FNDC1: variants seen among roughly 807,000 people sequenced by gnomAD.
FNDC1 encodes the protein fibronectin type III domain-containing protein 1.
A neutral mutation model predicts 168.0 loss-of-function variants in FNDC1; 96 were observed. The observed-to-expected ratio is 0.57, with a 90% CI of 0.48 to 0.68. FNDC1 has a LOEUF of 0.68. Among genes scored for constraint, FNDC1 ranks in the 30% least tolerant of loss-of-function variants. The pLI is 0.00. For synonymous variants in FNDC1, 1,099 were observed against 1,025.9 expected (o/e 1.07, Z -1.36); for missense variants, 2,587 against 2,482.1 (o/e 1.04, Z -0.90).
Position 159,239,797 on chromosome 6 carries a change from A to G in FNDC1, c.4461A>G (p.Pro1487=), listed in dbSNP as rs1192244433. ...CCCGCCGCACGACCACCAGGCGTCCAACAACCACAGTCCGAACCACTACGC... is the reference window on the plus strand; with the variant it reads ...CCCGCCGCACGACCACCAGGCGTCCGACAACCACAGTCCGAACCACTACGC... ...TTTRRTTTRR[P]TTTVRTTTRT... is the part of the protein sequence containing the mutation. The change falls in exon 14 of 23, where the codon CCA becomes CCG. Residue 1487 remains proline, a synonymous_variant. Transcript: ENST00000297267. 14 of 1,545,182 alleles carry G rather than the reference A, an allele frequency of 9.1e-6. No homozygotes were observed. Among genetic ancestry groups the G allele is most frequent in the Non-Finnish European group, 1.2e-5 (14 of 1,143,362 alleles).
Position 159,214,961 on chromosome 6 carries a change from C to G in FNDC1, c.477C>G (p.Asn159Lys), listed in dbSNP as rs747651973. 8.1e-6 allele frequency: 13 copies of G among 1,613,926 alleles called. No individual in the cohort carries two copies. Among genetic ancestry groups the G allele is most frequent in the South Asian group, 1.1e-5 (1 of 91,080 alleles). ...NETVTEKEVP[N>K]KPLRVRVRSS... ...CTCTTTAAGAAAAGGAAGTGCCCAA[C>G]AAGCCCTTGCGTGTGCGTGTCCGGT... is the stretch of plus-strand genomic sequence containing the variant. The change falls in exon 5 of 23, where the codon AAC becomes AAG. Residue 159 changes from asparagine (N) to lysine (K), a missense_variant. By Grantham distance (94) the Asn-to-Lys change is moderately conservative. Coordinates refer to ENST00000297267, the MANE Select transcript of FNDC1 (RefSeq NM_032532.3).
At chr6:159,261,766 G>A (rs1391150906) in intron 19 of FNDC1, among the ~76,000 whole-genome samples, 5 of 152,106 alleles carry the variant, frequency 3.3e-5, no homozygotes, top group Non-Finnish European at 7.4e-5. Context: ...GCATGCCCTT[G>A]CATTTTGGGG....
chr6:159,254,512 C>T (rs1267251635), intron 17 of FNDC1, among the ~76,000 whole-genome samples: 1 of 152,038 alleles, frequency 6.6e-6, no homozygotes, highest in Non-Finnish European at 1.5e-5. Flanking sequence ...TCAGACTCAT[C>T]CTGGCTAACA....
intron 15 of FNDC1, among the ~76,000 whole-genome samples, chr6:159,247,179 C>T (rs563802262): frequency 1.3e-5 from 2 of 152,244 alleles, no homozygotes; most frequent in African/African-American, 4.8e-5. Flanking sequence ...AAACAGTGTG[C>T]TTAACACGTA....
At chr6:159,265,094 T>C in intron 20 of FNDC1, 90 bp downstream of exon 20, 4 of 1,157,036 alleles carry the variant, frequency 3.5e-6, no homozygotes, top group Non-Finnish European at 3.7e-6. Flanking sequence ...AATTAGAAAG[T>C]CTGGACCATT....
chr6:159,261,500 T>A (rs910652748), intron 19 of FNDC1, among the ~76,000 whole-genome samples: 4 of 152,024 alleles, frequency 2.6e-5, no homozygotes, highest in African/African-American at 9.7e-5. Flanking sequence ...CAAATTCCAA[T>A]GAAAGGAAAA....
At position 159,229,894 on chromosome 6, in the gene FNDC1, C is replaced by G; in HGVS notation, c.1260C>G (p.Ala420=). The G allele has an allele frequency of 6.2e-7, 1 of 1,613,934 alleles. No individual in the cohort carries two copies. Among genetic ancestry groups the G allele is most frequent in the Non-Finnish European group, 8.5e-7 (1 of 1,179,862 alleles). ...SLTYPGDTTS[A]LVDGLQPGER... is the part of the protein sequence containing the mutation. ...CCTATCCTGGAGACACTACTTCTGC[C>G]CTGGTGGATGGTCTGCAGCCTGGGG... is the stretch of plus-strand genomic sequence containing the variant. The change falls in exon 10 of 23, where the codon GCC becomes GCG. Residue 420 remains alanine (A), a synonymous_variant. Transcript: ENST00000297267.
At chr6:159,259,978 T>C (rs950608303) in intron 18 of FNDC1, among the ~76,000 whole-genome samples, 14 of 152,238 alleles carry the variant, frequency 9.2e-5, no homozygotes, top group Non-Finnish European at 1.6e-4. Context: ...GTTGGTGCAA[T>C]AGGCCTAATA....
At chr6:159,269,637 A>G (rs952368905) in intron 22 of FNDC1, among the ~76,000 whole-genome samples, 2 of 147,648 alleles carry the variant, frequency 1.4e-5, no homozygotes, top group Admixed American at 6.7e-5. Flanking sequence ...CTATCTATCT[A>G]TCTATCTATC....
intron 1 of FNDC1, among the ~76,000 whole-genome samples, chr6:159,185,554 A>G (rs967309437): frequency 5.3e-5 from 8 of 152,330 alleles, no homozygotes; most frequent in East Asian, 3.9e-4. Context: ...TTATGGACAC[A>G]TAGCCTTGTT....
intron 4 of FNDC1, among the ~76,000 whole-genome samples, chr6:159,208,353 C>G (rs913120123): frequency 2.6e-5 from 4 of 152,204 alleles, no homozygotes; most frequent in African/African-American, 9.7e-5. Flanking sequence ...CACAGAGACT[C>G]TAGCCTTGCC....
chr6:159,232,932 C>T lies in FNDC1; in HGVS notation c.2420C>T (p.Thr807Met), dbSNP rs1436721059. ...AGGCAGGCGGAGGCCACGGCCCAGA[C>T]GCTGCGGGCCCGGCCTGCCTCTGGA... ...GGRQAEATAQTLRARPASGHF... is the reference protein window; with the variant it reads ...GGRQAEATAQMLRARPASGHF... Residue 807 changes from threonine to methionine, a missense_variant, in exon 11 of 23, where the codon ACG (threonine) becomes ATG (methionine). By Grantham distance (81) the Thr-to-Met change is moderately conservative. Transcript: ENST00000297267. This position sits in a 1 kb window ranked among gnomAD's most constrained non-coding sequence, Gnocchi z 4.9. 5 of 1,610,408 alleles carry T rather than the reference C, an allele frequency of 3.1e-6. No individual in the cohort carries two copies. Among genetic ancestry groups the T allele is most frequent in the South Asian group, 1.1e-5 (1 of 90,804 alleles).
chr6:159,206,561 A>T (rs1389743960), intron 4 of FNDC1, among the ~76,000 whole-genome samples: 7 of 152,186 alleles, frequency 4.6e-5, no homozygotes. Context: ...GGGCATTGAC[A>T]AGAGTGTTGA....
chr6:159,261,958 A>G (rs1777494730), intron 19 of FNDC1, among the ~76,000 whole-genome samples: 1 of 152,142 alleles, frequency 6.6e-6, no homozygotes, highest in African/African-American at 2.4e-5. Context: ...ATTTTTTTTA[A>G]TTAGCCAGGC....
At chr6:159,174,889 C>T (rs1046610340) in intron 1 of FNDC1, among the ~76,000 whole-genome samples, 1 of 152,140 alleles carries the variant, frequency 6.6e-6, no homozygotes, top group Non-Finnish European at 1.5e-5. Flanking sequence ...TGATGGGTCC[C>T]GTCTCAGCCT....
intron 4 of FNDC1, among the ~76,000 whole-genome samples, chr6:159,201,237 T>C (rs894957101): frequency 6.6e-6 from 1 of 152,216 alleles, no homozygotes; most frequent in African/African-American, 2.4e-5. Context: ...AGCACTATGG[T>C]GAGGAGCTGT....
rs111526001 is a variant in FNDC1, at chr6:159,189,685, C to T, written c.110-7746C>T. Reference sequence around the variant, plus strand: ...GGAAAGACTCTTCCCTGGCTGAGGCCGAATAGTATAAGAAGTAAAGGAGGA... The same window carrying T: ...GGAAAGACTCTTCCCTGGCTGAGGCTGAATAGTATAAGAAGTAAAGGAGGA... On this transcript the variant is annotated intron_variant, in intron 1 of 22. Coordinates refer to ENST00000297267, the MANE Select transcript of FNDC1 (RefSeq NM_032532.3). Among the ~76,000 whole-genome samples, 1,011 of 152,226 alleles carry T rather than the reference C, an allele frequency of 6.6e-3. 12 individuals carry two copies. Among genetic ancestry groups the T allele is most frequent in the African/African-American group, 0.023 (967 of 41,522 alleles).
At chr6:159,220,440 AT>A (rs1782798589) in intron 5 of FNDC1, among the ~76,000 whole-genome samples, 1 of 152,188 alleles carries the variant, frequency 6.6e-6, no homozygotes, top group Non-Finnish European at 1.5e-5. Context: ...CCTCATTTTT[AT>A]TCTTGAAAAG....
At chr6:159,264,113 A>T (rs1022362452) in intron 19 of FNDC1, among the ~76,000 whole-genome samples, 2 of 152,238 alleles carry the variant, frequency 1.3e-5, no homozygotes. Flanking sequence ...ACCTACTTGA[A>T]GTGTACATCT....
Sources: allele counts gnomAD v4.1 joint callset (sites outside exome capture counted in the v4.1 genomes callset), GRCh38; gene constraint gnomAD v4.1.1; non-coding constraint Gnocchi (gnomAD v3.1); transcripts MANE v1.5; gene names NCBI Gene and HGNC (gene_info 2026-07-23, HGNC 2026-07-21).